ZMYND8: variants seen among roughly 807,000 people sequenced by gnomAD.
ZMYND8 encodes zinc finger MYND-type containing 8, also known as MYND-type zinc finger-containing chromatin reader ZMYND8.
A neutral mutation model predicts 140.8 loss-of-function variants in ZMYND8; 37 were observed. The ratio of observed to expected loss-of-function variants is 0.26; its 90% CI spans 0.20 to 0.35. The LOEUF is 0.35. ZMYND8 is among the 10% of genes least tolerant of loss of function. The probability of loss-of-function intolerance (pLI) is 1.00; values close to 1 mark genes in which losing one functional copy is unlikely to be tolerated. For missense variants in ZMYND8, 1,068 were observed against 1,570.0 expected, an observed-to-expected ratio of 0.68 and a Z score of 5.40; for synonymous variants, 592 against 597.1, an observed-to-expected ratio of 0.99 and a Z score of 0.12.
rs180799575 is a variant in ZMYND8 at position 47,283,639 on chromosome 20, T to C, written c.814A>G (p.Ile272Val). Residue 272 changes from isoleucine to valine, a missense_variant, in exon 9 of 23, where the codon ATC (isoleucine) becomes GTC (valine). By Grantham distance (29) the Ile-to-Val change is conservative. Transcript: ENST00000471951. ...IKICEHEMNE[I>V]EVCPECYLAA... ...AGATAACATTCTGGACATACTTCGA[T>C]TTCATTCATCTGTAAAGCAAAAATA... The C allele has an allele frequency of 6.2e-7, 1 of 1,614,056 alleles. No homozygotes were observed. Among genetic ancestry groups the C allele is most frequent in the East Asian group, 2.2e-5 (1 of 44,886 alleles).
At chr20:47,268,990 C>A (rs1452705538) in intron 11 of ZMYND8, among the ~76,000 whole-genome samples, 1 of 152,106 alleles carries the variant, frequency 6.6e-6, no homozygotes, top group Admixed American at 6.5e-5. Context: ...CATCTGAGGT[C>A]AGGAGTTCGA....
At chr20:47,236,193 G>GT (rs2039209145) in intron 16 of ZMYND8, 133 bp downstream of exon 16, 2 of 1,064,952 alleles carry the variant, frequency 1.9e-6, no homozygotes, top group South Asian at 1.6e-5. Context: ...TGGAGATTCT[G>GT]TTTTTAAAAA....
rs544409416 is a variant in ZMYND8 at position 47,265,079 on chromosome 20, C to T, written c.1481-2651G>A. On this transcript the variant is annotated intron_variant, in intron 11 of 22. Coordinates refer to ENST00000471951, the MANE Select transcript of ZMYND8 (RefSeq NM_001281775.3). ...ATATATATATATATAGGCATTTTAA[C>T]GGAAGTATTACCAATAAAATCTTTA... Among the ~76,000 whole-genome samples, 155 of 110,200 alleles carry T rather than the reference C, an allele frequency of 1.4e-3. 1 individual carries two copies. The highest frequency in any genetic ancestry group is 4.0e-3 in the African/African-American group (140 of 35,080). 72.3% of individuals were successfully genotyped at this position (110,200 alleles called of 152,430 possible).
chr20:47,318,461 C>T, intron 2 of ZMYND8: 2 of 346,790 alleles, frequency 5.8e-6, no homozygotes, highest in South Asian at 4.4e-5. Flanking sequence ...CCAGTAATTA[C>T]ATCATAAAGA....
intron 14 of ZMYND8, among the ~76,000 whole-genome samples, chr20:47,242,386 T>C (rs1215943756): frequency 6.6e-6 from 1 of 152,166 alleles, no homozygotes; most frequent in Non-Finnish European, 1.5e-5. Flanking sequence ...AGAACTCCGA[T>C]GCTTCCAGGG....
At chr20:47,352,464 A>G (rs1327957805) in intron 1 of ZMYND8, 41 of 985,272 alleles carry the variant, frequency 4.2e-5, no homozygotes, top group Non-Finnish European at 4.9e-5. Flanking sequence ...TCCCTTATCC[A>G]ATGCACAGGA....
intron 7 of ZMYND8, among the ~76,000 whole-genome samples, chr20:47,287,624 C>T (rs1323904402): frequency 1.3e-5 from 2 of 152,176 alleles, no homozygotes; most frequent in Admixed American, 6.5e-5. Flanking sequence ...GTCCCAGACG[C>T]CAACCCAAGA....
chr20:47,299,407 C>A (rs1019890813), intron 3 of ZMYND8, among the ~76,000 whole-genome samples: 2 of 152,114 alleles, frequency 1.3e-5, no homozygotes, highest in Admixed American at 1.3e-4. Context: ...TATCAAAATG[C>A]CACCATACTA....
chr20:47,322,997 A>G (rs1204031304), intron 2 of ZMYND8, among the ~76,000 whole-genome samples: 4 of 152,130 alleles, frequency 2.6e-5, no homozygotes, highest in African/African-American at 9.7e-5. Context: ...AGGTGCTGGC[A>G]CCTGCCAGCT....
intron 2 of ZMYND8, among the ~76,000 whole-genome samples, chr20:47,322,518 G>A (rs2080052026): frequency 6.9e-6 from 1 of 145,240 alleles, no homozygotes; most frequent in Admixed American, 7.2e-5. Context: ...TTGGCTCACT[G>A]CGACCTCCGC....
At chr20:47,253,317 A>T (rs1481655167) in intron 12 of ZMYND8, among the ~76,000 whole-genome samples, 1 of 152,158 alleles carries the variant, frequency 6.6e-6, no homozygotes, top group Non-Finnish European at 1.5e-5. Context: ...CAGGTGGAGC[A>T]CCTGAGGTCA....
intron 6 of ZMYND8, among the ~76,000 whole-genome samples, chr20:47,290,993 T>C (rs914088388): frequency 8.5e-5 from 13 of 152,252 alleles, no homozygotes; most frequent in African/African-American, 2.9e-4. Context: ...ATACCCATTT[T>C]ACAGAAAGGC....
At chr20:47,241,544 G>C (rs1471137310) in intron 14 of ZMYND8, among the ~76,000 whole-genome samples, 1 of 152,126 alleles carries the variant, frequency 6.6e-6, no homozygotes, top group Non-Finnish European at 1.5e-5. Flanking sequence ...ATTTGAGTAA[G>C]TGAGGGCAGG....
intron 11 of ZMYND8, 70 bp from the exon 12 acceptor site, chr20:47,262,498 G>A: frequency 6.3e-7 from 1 of 1,581,526 alleles, no homozygotes; most frequent in Non-Finnish European, 8.6e-7. Context: ...GTGTGGTGTA[G>A]GGAGAGAATG....
Position 47,293,863 on chromosome 20 carries a change from G to A in ZMYND8, c.567+803C>T, listed in dbSNP as rs761038192. 2.6e-5 allele frequency among the ~76,000 whole-genome samples: 4 copies of A among 152,176 alleles called. No homozygotes were observed. The South Asian group carries it at 6.2e-4, about 24-fold the overall frequency. On this transcript the variant is annotated intron_variant, in intron 5 of 22. Coordinates refer to ENST00000471951, the MANE Select transcript of ZMYND8 (RefSeq NM_001281775.3). ...GGTGGGAGGTGACTGGATTATGGGGGTGGTTTCCCCCATCCTGTTCTCGTG... is the reference window on the plus strand; with the variant it reads ...GGTGGGAGGTGACTGGATTATGGGGATGGTTTCCCCCATCCTGTTCTCGTG...
rs1183257141 is a variant in ZMYND8 at position 47,298,409 on chromosome 20, T to C, written c.453+320A>G. The C allele has an allele frequency of 1.8e-5, 18 of 985,306 alleles. No homozygotes were observed. The highest frequency in any genetic ancestry group is 2.2e-5 in the Non-Finnish European group (18 of 829,934). The allele number at this position is 985,306 out of a possible 1,614,324, so 61.0% of individuals were successfully genotyped here. A position where few individuals can be genotyped will look rare whatever the true frequency, so the allele number is the denominator to read the frequency against. On this transcript the variant is annotated intron_variant, in intron 4 of 22. Transcript: ENST00000471951. The surrounding 1 kb of genome is among the most constrained non-coding windows in gnomAD (Gnocchi z 5.0). ...CAGAATGAGATCTTTTCAAAATGTGTGAGCCGTTCATGATTTGGGAGTTAA... is the reference window on the plus strand; with the variant it reads ...CAGAATGAGATCTTTTCAAAATGTGCGAGCCGTTCATGATTTGGGAGTTAA...
chr20:47,236,393 T>C lies in ZMYND8; in HGVS notation c.2789A>G (p.Asn930Ser), dbSNP rs199925464. Reference sequence around the variant, plus strand: ...GGCAGTGGCGATGGGCAGGTCAGCGTTGACTGAGGACACAAGGGTGCTCAT... The same window carrying C: ...GGCAGTGGCGATGGGCAGGTCAGCGCTGACTGAGGACACAAGGGTGCTCAT... ...GSMSTLVSSV[N>S]ADLPIATASA... Residue 930 changes from asparagine to serine, a missense_variant, in exon 16 of 23, where the codon AAC becomes AGC. Physicochemically the swap from Asn to Ser is conservative, Grantham distance 46 (BLOSUM62 1). Transcript: ENST00000471951. 1.4e-5 allele frequency: 22 copies of C among 1,614,020 alleles called. No individual in the cohort carries two copies. The highest frequency in any genetic ancestry group is 1.8e-5 in the Non-Finnish European group (21 of 1,180,024).
At chr20:47,302,846 G>C (rs1221336734) in intron 3 of ZMYND8, among the ~76,000 whole-genome samples, 1 of 152,176 alleles carries the variant, frequency 6.6e-6, no homozygotes. Context: ...TGAAAAATAA[G>C]ATGACTACTA....
At chr20:47,270,631 C>T (rs868401793) in intron 11 of ZMYND8, among the ~76,000 whole-genome samples, 66 of 132,502 alleles carry the variant, frequency 5.0e-4, no homozygotes, top group African/African-American at 1.6e-3. Context: ...GAGGCTAAGG[C>T]GGGAGGATCG....
Sources: gnomAD v4.1 joint callset for allele counts (sites outside exome capture counted in the v4.1 genomes callset) on GRCh38, gnomAD v4.1.1 for gene constraint, Gnocchi (gnomAD v3.1) non-coding constraint, MANE v1.5 for transcripts, NCBI Gene and HGNC (gene_info 2026-07-23, HGNC 2026-07-21) for gene names.